PDE11A: variants seen among roughly 807,000 people sequenced by gnomAD.
The protein encoded by PDE11A is dual 3',5'-cyclic-AMP and -GMP phosphodiesterase 11A.
Under a neutral mutation model 100.5 loss-of-function variants are expected in PDE11A, and 100 were observed. The ratio of observed to expected loss-of-function variants is 1.00; its 90% confidence interval spans 0.85 to 1.18. PDE11A has a LOEUF of 1.18. PDE11A is among the 50% of genes most tolerant of loss of function. The probability of loss-of-function intolerance (pLI) is 0.00; values close to 1 mark genes in which losing one functional copy is unlikely to be tolerated. For synonymous variants in PDE11A, 381 were observed against 420.8 expected, an observed-to-expected ratio of 0.91 and a Z score of 1.16; for missense variants, 1,141 against 1,152.6, an observed-to-expected ratio of 0.99 and a Z score of 0.15.
intron 9 of PDE11A, among the ~76,000 whole-genome samples, chr2:177,776,880 T>A (rs1558933026): frequency 2.0e-5 from 3 of 152,136 alleles, no homozygotes; most frequent in Non-Finnish European, 4.4e-5. Flanking sequence ...TGTCTATATG[T>A]CATGGTAGGA....
intron 10 of PDE11A, among the ~76,000 whole-genome samples, chr2:177,739,340 C>A (rs1231172192): frequency 1.3e-5 from 2 of 152,128 alleles, no homozygotes; most frequent in African/African-American, 4.8e-5. Context: ...TAGTAGGCTA[C>A]CTTGAGGATG....
chr2:177,847,483 T>G (rs183479043), intron 5 of PDE11A, among the ~76,000 whole-genome samples: 4 of 152,306 alleles, frequency 2.6e-5, no homozygotes, highest in African/African-American at 9.6e-5. Flanking sequence ...CAACTACACC[T>G]TGATTACAAC....
chr2:177,730,766 T>C (rs2081674817), intron 10 of PDE11A, among the ~76,000 whole-genome samples: 2 of 152,210 alleles, frequency 1.3e-5, no homozygotes, highest in Non-Finnish European at 2.9e-5. Context: ...TCTTCTCTTC[T>C]TATAATTGGC....
chr2:178,090,846 T>C (rs1399588405), intron 2 of PDE11A, among the ~76,000 whole-genome samples: 2 of 152,090 alleles, frequency 1.3e-5, no homozygotes, highest in African/African-American at 4.8e-5. Flanking sequence ...CTCAGCTTTT[T>C]CTGAAGCCCT....
chr2:177,931,828 A>C (rs2085209475), intron 2 of PDE11A, among the ~76,000 whole-genome samples: 7 of 151,838 alleles, frequency 4.6e-5, no homozygotes, highest in Admixed American at 4.6e-4. Context: ...ATTGAGACCC[A>C]AAAATCCACA....
At chr2:177,858,982 A>T (rs1223566543) in intron 5 of PDE11A, among the ~76,000 whole-genome samples, 1 of 152,130 alleles carries the variant, frequency 6.6e-6, no homozygotes, top group African/African-American at 2.4e-5. Context: ...CATTCTCAGC[A>T]AACTATCTCA....
chr2:177,787,738 C>T (rs542360328), intron 9 of PDE11A, among the ~76,000 whole-genome samples: 2 of 151,512 alleles, frequency 1.3e-5, no homozygotes, highest in African/African-American at 4.8e-5. Context: ...GGTTGCAATC[C>T]TAGTCCCTGA....
At chr2:178,032,591 G>A (rs2086562832) in intron 1 of PDE11A, among the ~76,000 whole-genome samples, 1 of 152,088 alleles carries the variant, frequency 6.6e-6, no homozygotes, top group South Asian at 2.1e-4. Context: ...TGACCCCTGT[G>A]CCTCCTTACT....
At chr2:177,799,506 T>A (rs1480299900) in intron 9 of PDE11A, among the ~76,000 whole-genome samples, 1 of 152,218 alleles carries the variant, frequency 6.6e-6, no homozygotes, top group East Asian at 1.9e-4. Context: ...ATTCTCCATG[T>A]AAGTTCTCCC....
intron 1 of PDE11A, among the ~76,000 whole-genome samples, chr2:178,059,240 G>T (rs999840385): frequency 6.6e-6 from 1 of 152,148 alleles, no homozygotes; most frequent in African/African-American, 2.4e-5. Flanking sequence ...TTCTACTGTT[G>T]CCCTCTGTGT....
chr2:178,017,816 C>T (rs552651986), intron 1 of PDE11A, among the ~76,000 whole-genome samples: 57 of 152,088 alleles, frequency 3.7e-4, no homozygotes, highest in Middle Eastern at 6.8e-3. Context: ...AAAAATTAGC[C>T]GGGCGTGGTG....
At chr2:177,958,517 C>T (rs2085593510) in intron 2 of PDE11A, among the ~76,000 whole-genome samples, 1 of 152,140 alleles carries the variant, frequency 6.6e-6, no homozygotes, top group African/African-American at 2.4e-5. Flanking sequence ...AAGTTATTCC[C>T]TTGTAACCTT....
chr2:177,907,331 T>A (rs1294123966), intron 2 of PDE11A, among the ~76,000 whole-genome samples: 1 of 152,190 alleles, frequency 6.6e-6, no homozygotes, highest in Non-Finnish European at 1.5e-5. Context: ...AGCTGCAATA[T>A]TCTATTTACT....
intron 2 of PDE11A, among the ~76,000 whole-genome samples, chr2:177,983,418 C>A (rs1351435319): frequency 6.6e-6 from 1 of 152,110 alleles, no homozygotes; most frequent in South Asian, 2.1e-4. Context: ...TACTGATGCA[C>A]CTTTTAATCA....
intron 1 of PDE11A, chr2:178,105,671 ATG>A (rs2087609524): frequency 1.3e-6 from 1 of 762,664 alleles, no homozygotes; most frequent in South Asian, 2.7e-5. Context: ...GTGGTACAGG[ATG>A]GCATAATGAA....
Position 178,102,572 on chromosome 2 carries a change from C to T in PDE11A, c.162+1730G>A, listed in dbSNP as rs555992428. On this transcript the variant is annotated intron_variant, in intron 2 of 20. Transcript: ENST00000358450. ...TACAGGCATAAGCCACCATGCCCAGCCATCAGCTAATTTATTTTTTGTAGA... is the reference window on the plus strand; with the variant it reads ...TACAGGCATAAGCCACCATGCCCAGTCATCAGCTAATTTATTTTTTGTAGA... Among the ~76,000 whole-genome samples, 108 of 151,680 alleles carry T rather than the reference C, an allele frequency of 7.1e-4. 1 individual carries two copies. Among genetic ancestry groups the T allele is most frequent in the African/African-American group, 2.6e-3 (107 of 41,316 alleles).
chr2:178,076,785 C>T (rs937991533), upstream of PDE11A, among the ~76,000 whole-genome samples: 2 of 152,192 alleles, frequency 1.3e-5, no homozygotes, highest in African/African-American at 4.8e-5. Flanking sequence ...TTCTCTTTCA[C>T]TTGGTATTGG....
intron 2 of PDE11A, among the ~76,000 whole-genome samples, chr2:178,081,001 A>G (rs1402228297): frequency 3.9e-5 from 6 of 152,208 alleles, no homozygotes; most frequent in Non-Finnish European, 7.4e-5. Context: ...CAAAATAAAT[A>G]TATCAAAATT....
At position 177,989,848 on chromosome 2, in the gene PDE11A, G is replaced by A. The variant is rs763789962; in HGVS notation, c.1071+24454C>T. On this transcript the variant is annotated intron_variant, in intron 2 of 19. Coordinates refer to ENST00000286063, the MANE Select transcript of PDE11A (RefSeq NM_016953.4). ...CATAGCACTGAAAAAAAATAAAAAC[G>A]AAAAACCAAAAAACTCCTTGAGAAT... Among the ~76,000 whole-genome samples, 5 of 152,076 alleles carry A rather than the reference G, an allele frequency of 3.3e-5. No homozygotes were observed. The East Asian group carries it at 5.8e-4, about 18-fold the overall frequency.
Sources: allele counts gnomAD v4.1 joint callset (sites outside exome capture counted in the v4.1 genomes callset), GRCh38; gene constraint gnomAD v4.1.1; transcripts MANE v1.5; gene names NCBI Gene and HGNC (gene_info 2026-07-23, HGNC 2026-07-21).